HECW1: variants seen among roughly 807,000 people sequenced by gnomAD.
HECW1 encodes the protein HECT, C2 and WW domain containing E3 ubiquitin protein ligase 1.
In HECW1, 61 loss-of-function variants were observed where a neutral mutation model predicts 182.3. The observed-to-expected ratio is 0.33, with a 90% CI of 0.27 to 0.41. The LOEUF (loss-of-function observed/expected upper bound fraction) is 0.41, where lower values mean the gene tolerates loss of function less well. HECW1 is among the 10% of genes least tolerant of loss of function. The probability of loss-of-function intolerance (pLI) is 1.00; values close to 1 mark genes in which losing one functional copy is unlikely to be tolerated. For missense variants in HECW1, 1,739 were observed against 2,108.9 expected (o/e 0.82, Z 3.44); for synonymous variants, 859 against 832.6 (o/e 1.03, Z -0.55).
At chr7:43,161,523 T>A (rs1790524929) in intron 2 of HECW1, 1 of 152,212 alleles carries the variant, frequency 6.6e-6, no homozygotes, top group Admixed American at 6.5e-5. Flanking sequence ...AGTTCTTAAA[T>A]CAGAAACAGC....
chr7:43,149,159 C>T (rs56163858), intron 2 of HECW1, among the ~76,000 whole-genome samples: 286 of 152,158 alleles, frequency 1.9e-3, no homozygotes, highest in African/African-American at 6.3e-3. Context: ...CCCTTAAATA[C>T]GTATTGATTA....
In HECW1 at chr7:43,469,016, C is replaced by A. The variant is rs113884072; in HGVS notation, c.3010C>A (p.Arg1004=). ...ARNFERYQHN[R]DLVNFINMFA... is the part of the protein sequence containing the mutation. ...CAATTTTGAACGCTACCAGCACAAC[C>A]GGGACTTGGTGAATTTCATCAACAT... The change falls in exon 16 of 30, where the codon CGG becomes AGG. Residue 1004 remains arginine (R), a synonymous_variant. Transcript: ENST00000395891. 2.2e-5 allele frequency: 36 copies of A among 1,614,046 alleles called. No individual in the cohort carries two copies. Among genetic ancestry groups the A allele is most frequent in the Non-Finnish European group, 2.8e-5 (33 of 1,180,048 alleles).
At chr7:43,482,244 G>A (rs1331640112) in intron 17 of HECW1, among the ~76,000 whole-genome samples, 2 of 152,076 alleles carry the variant, frequency 1.3e-5, no homozygotes, top group Admixed American at 6.5e-5. Context: ...ACAAAGACTC[G>A]GCCTCTAAGA....
chr7:43,209,850 C>T (rs1191464350), intron 2 of HECW1, among the ~76,000 whole-genome samples: 1 of 152,132 alleles, frequency 6.6e-6, no homozygotes, highest in Non-Finnish European at 1.5e-5. Flanking sequence ...TAGAGCAAAT[C>T]ACAAGATGGG....
chr7:43,356,091 T>G (rs1815096706), intron 5 of HECW1, among the ~76,000 whole-genome samples: 1 of 152,144 alleles, frequency 6.6e-6, no homozygotes, highest in Non-Finnish European at 1.5e-5. Flanking sequence ...TGCTCAATTC[T>G]CTAATTAAAA....
At chr7:43,488,434 G>GAGAAAGAAGAAAGAA (rs1554440503) in intron 17 of HECW1, among the ~76,000 whole-genome samples, 1 of 93,082 alleles carries the variant, frequency 1.1e-5, no homozygotes, top group East Asian at 3.0e-4. Flanking sequence ...AAGAAAGAAA[G>GAGAAAGAAGAAAGAA]AGAAAGAAAG....
At position 43,385,102 on chromosome 7, in the gene HECW1, C is replaced by T. The variant is rs373684685; in HGVS notation, c.556-11712C>T. Among the ~76,000 whole-genome samples, 313 of 151,668 alleles carry T rather than the reference C, an allele frequency of 2.1e-3. 1 individual carries two copies. Among genetic ancestry groups the T allele is most frequent in the South Asian group, 7.8e-3 (37 of 4,750 alleles). On this transcript the variant is annotated intron_variant, in intron 6 of 29. Transcript: ENST00000395891. The stretch of plus-strand genomic sequence containing the variant: ...GAAAAAGATCCTGAATTCAAAGAAA[C>T]GGGTTCAGCCAAAGGGGCATCTCTC...
At chr7:43,421,180 A>G (rs1025032831) in intron 8 of HECW1, among the ~76,000 whole-genome samples, 2 of 152,226 alleles carry the variant, frequency 1.3e-5, no homozygotes, top group African/African-American at 4.8e-5. Flanking sequence ...CTGCTGCTGT[A>G]TGTTATGGAA....
chr7:43,557,508 T>A (rs569837614), intron 29 of HECW1, among the ~76,000 whole-genome samples: 1 of 152,300 alleles, frequency 6.6e-6, no homozygotes, highest in South Asian at 2.1e-4. Context: ...TTGAAGTAGA[T>A]GAGAGGCAGG....
chr7:43,163,265 TA>T (rs1271966357), intron 2 of HECW1: 2 of 152,222 alleles, frequency 1.3e-5, no homozygotes, highest in Non-Finnish European at 2.9e-5. Flanking sequence ...GATTCATTAC[TA>T]GTTTGAGGAT....
At chr7:43,458,830 C>T (rs1197027210) in intron 13 of HECW1, among the ~76,000 whole-genome samples, 2 of 152,178 alleles carry the variant, frequency 1.3e-5, no homozygotes, top group Non-Finnish European at 1.5e-5. Flanking sequence ...TGATTACTGG[C>T]TCACAGCCAT....
intron 6 of HECW1, 77 bp downstream of exon 6, chr7:43,361,057 C>CGTGT (rs3032904): frequency 3.1e-4 from 199 of 638,132 alleles, no homozygotes; most frequent in African/African-American, 1.3e-3. Context: ...CTTGTGCGTG[C>CGTGT]GTGTGTGTGT....
intron 3 of HECW1, among the ~76,000 whole-genome samples, chr7:43,266,354 G>A (rs1801796992): frequency 6.6e-6 from 1 of 151,902 alleles, no homozygotes; most frequent in Non-Finnish European, 1.5e-5. Context: ...TTCATTTTTT[G>A]AGACAGAGTC....
At chr7:43,520,786 C>T (rs1585177198) in intron 24 of HECW1, among the ~76,000 whole-genome samples, 1 of 152,300 alleles carries the variant, frequency 6.6e-6, no homozygotes, top group East Asian at 1.9e-4. Flanking sequence ...CAGGCTCTTC[C>T]TCCTCCCCAT....
rs140477093 is a variant in HECW1 at position 43,528,066 on chromosome 7, T to C, written c.4020-13097T>C. Among the ~76,000 whole-genome samples, 649 of 152,350 alleles carry C rather than the reference T, an allele frequency of 4.3e-3. 4 individuals carry two copies. The highest frequency in any genetic ancestry group is 0.015 in the African/African-American group (618 of 41,580). ...ATTTTGGTCCATTAATTAACTACTT[T>C]GATTAATTTTGTAGAGTGAATTGTT... On this transcript the variant is annotated intron_variant, in intron 24 of 29. Transcript: ENST00000395891.
intron 16 of HECW1, among the ~76,000 whole-genome samples, chr7:43,476,435 G>A (rs775640313): frequency 8.5e-5 from 13 of 152,114 alleles, no homozygotes; most frequent in African/African-American, 1.2e-4. Flanking sequence ...AATTCTCTCC[G>A]AAATCATTTG....
intron 3 of HECW1, among the ~76,000 whole-genome samples, chr7:43,308,290 A>ATATATATTATATGATATATT (rs1327783762): frequency 1.0e-5 from 1 of 96,672 alleles, no homozygotes; most frequent in Non-Finnish European, 2.2e-5. Flanking sequence ...TGATATATTT[A>ATATATATTATATGATATATT]TATATATTAT....
chr7:43,277,143 C>T (rs1272869292), intron 3 of HECW1, among the ~76,000 whole-genome samples: 2 of 152,112 alleles, frequency 1.3e-5, no homozygotes, highest in African/African-American at 4.8e-5. Context: ...TCAGTTCATT[C>T]ATTAGGTAAA....
At chr7:43,124,458 G>A (rs1785988023) in intron 2 of HECW1, among the ~76,000 whole-genome samples, 1 of 152,176 alleles carries the variant, frequency 6.6e-6, no homozygotes. Flanking sequence ...TCTGGATAAG[G>A]AACCTAAGCC....
Sources: gnomAD v4.1 joint callset for allele counts (sites outside exome capture counted in the v4.1 genomes callset) on GRCh38, gnomAD v4.1.1 for gene constraint, MANE v1.5 for transcripts, NCBI Gene and HGNC (gene_info 2026-07-23, HGNC 2026-07-21) for gene names.